Variants in NOX5 observed in about 807,000 individuals in gnomAD.
NOX5 encodes the protein NADPH oxidase 5.
Under a neutral mutation model 85.7 loss-of-function variants are expected in NOX5, and 76 were observed. The observed-to-expected ratio is 0.89, with a 90% CI of 0.74 to 1.07. The LOEUF is 1.07. NOX5 is among the 50% of genes least tolerant of loss of function. NOX5 has a pLI of 0.00. For missense variants in NOX5, 973 were observed against 999.5 expected, an observed-to-expected ratio of 0.97 and a Z score of 0.36; for synonymous variants, 405 against 401.4, an observed-to-expected ratio of 1.01 and a Z score of -0.11.
intron 8 of NOX5, among the ~76,000 whole-genome samples, 155 bp from the exon 9 acceptor site, chr15:69,038,702 G>T (rs2050553244): frequency 6.6e-6 from 1 of 152,108 alleles, no homozygotes; most frequent in African/African-American, 2.4e-5. Flanking sequence ...GGCTGCTGAG[G>T]TGGGCCACCA....
rs2050861588 is a variant in NOX5 at position 69,060,476 on chromosome 15, A to G, written c.*3780A>G. 6.6e-6 allele frequency: 1 copy of G among 152,222 alleles called. No individual in the cohort carries two copies. Among genetic ancestry groups the G allele is most frequent in the African/African-American group, 2.4e-5 (1 of 41,452 alleles). 9.4% of individuals were successfully genotyped at this position (152,222 alleles called of 1,614,324 possible). A position where few individuals can be genotyped will look rare whatever the true frequency, so the allele number is the denominator to read the frequency against. ...GTTCTCACTTTCTTATTATAAAGTG[A>G]ACAGATCAAGTATGTATGCGTTTAA... On this transcript the variant is annotated 3_prime_UTR_variant, in exon 16 of 16. Transcript: ENST00000388866.
chr15:69,024,635 A>G (rs1243694633), intron 1 of NOX5, among the ~76,000 whole-genome samples: 1 of 152,154 alleles, frequency 6.6e-6, no homozygotes, highest in Non-Finnish European at 1.5e-5. Flanking sequence ...TAATTGTTCT[A>G]TTTTATTACT....
chr15:69,049,674 G>A (rs1333891182), intron 14 of NOX5, among the ~76,000 whole-genome samples: 1 of 151,820 alleles, frequency 6.6e-6, no homozygotes, highest in African/African-American at 2.4e-5. Context: ...TTTTAATTCA[G>A]AATAGGCACA....
chr15:69,035,216 G>C, intron 5 of NOX5, 138 bp from the exon 6 acceptor site: 1 of 852,146 alleles, frequency 1.2e-6, no homozygotes, highest in Non-Finnish European at 1.8e-6. Flanking sequence ...AAGCAACAAG[G>C]CATGGGGGCA....
Position 69,031,655 on chromosome 15 carries a change from C to A in NOX5, c.463C>A (p.Arg155Ser), listed in dbSNP as rs757259289. The change falls in exon 4 of 16, where the codon CGC becomes AGC. Residue 155 changes from arginine (R) to serine (S), a missense_variant. By Grantham distance (110) the Arg-to-Ser change is moderately radical. Coordinates refer to ENST00000388866, the MANE Select transcript of NOX5 (RefSeq NM_024505.4). ...GCGCACTGTGCTGCAGTCGTGTCTG[C>A]GCGAGAGCGCCATCTCGCTGCCTGA... ...ELRTVLQSCLRESAISLPDEK... is the reference protein window; with the variant it reads ...ELRTVLQSCLSESAISLPDEK... The A allele has an allele frequency of 1.2e-6, 2 of 1,613,194 alleles. No individual in the cohort carries two copies. The highest frequency in any genetic ancestry group is 1.7e-6 in the Non-Finnish European group (2 of 1,179,944).
At chr15:69,052,859 T>G (rs2050766485) in intron 14 of NOX5, among the ~76,000 whole-genome samples, 1 of 152,234 alleles carries the variant, frequency 6.6e-6, no homozygotes, top group Non-Finnish European at 1.5e-5. Context: ...CGTATATTAA[T>G]TCATTAGAAA....
intron 9 of NOX5, among the ~76,000 whole-genome samples, chr15:69,039,385 G>C (rs12437624): frequency 2.0e-5 from 3 of 151,744 alleles, no homozygotes; most frequent in Non-Finnish European, 4.4e-5. Context: ...GGGGTGGCGG[G>C]GGGTAGGCAG....
intron 1 of NOX5, among the ~76,000 whole-genome samples, chr15:69,019,410 G>T (rs1351576104): frequency 1.3e-5 from 2 of 152,212 alleles, no homozygotes; most frequent in Non-Finnish European, 2.9e-5. Flanking sequence ...CTACAATTTT[G>T]TGAGATATTA....
At chr15:69,054,994 C>T (rs35484841) in intron 14 of NOX5, among the ~76,000 whole-genome samples, 348 of 152,212 alleles carry the variant, frequency 2.3e-3, no homozygotes, top group Non-Finnish European at 4.0e-3. Flanking sequence ...GAGGCTGAGG[C>T]GGGTGGATTG....
chr15:69,039,056 G>T (rs983153870), intron 9 of NOX5, 67 bp downstream of exon 9: 56 of 1,566,628 alleles, frequency 3.6e-5, no homozygotes, highest in Non-Finnish European at 4.8e-5. Flanking sequence ...CCAAGTACAG[G>T]CTGGAAACTC....
At position 69,035,440 on chromosome 15, in the gene NOX5, C is replaced by T. The variant is rs1474556817; in HGVS notation, c.942C>T (p.His314=). The change falls in exon 6 of 16, where the codon CAC becomes CAT. Residue 314 remains histidine, a synonymous_variant. Coordinates refer to ENST00000388866, the MANE Select transcript of NOX5 (RefSeq NM_024505.4). ...CACTGGACCAGAACATCCAGTTCCA[C>T]CAGCTTATGGGCTACGTGGTAGTGG... ...VLPLDQNIQF[H]QLMGYVVVGL... is the part of the protein sequence containing the mutation. 9.9e-6 allele frequency: 16 copies of T among 1,614,098 alleles called. No individual in the cohort carries two copies. The Admixed American group carries it at 2.5e-4, about 25-fold the overall frequency.
intron 14 of NOX5, among the ~76,000 whole-genome samples, chr15:69,050,504 C>T (rs1335292496): frequency 6.6e-6 from 1 of 152,144 alleles, no homozygotes; most frequent in Non-Finnish European, 1.5e-5. Flanking sequence ...AATTCTTCTG[C>T]CTCAGTCTCC....
rs1437525393 is a variant in NOX5, at chr15:69,037,268, G to A, written c.1371+58G>A. ...CAACTCACCCCAAGGGACAGTTTGT[G>A]GGGTGGAGCAGCTGGATACCCTGTC... On this transcript the variant is annotated intron_variant, in intron 8 of 15. Transcript: ENST00000388866. The A allele has an allele frequency of 5.2e-6, 8 of 1,528,810 alleles. No individual in the cohort carries two copies. In the African/African-American group the frequency reaches 1.1e-4, roughly 21 times the overall value. The allele number at this position is 1,528,810 out of a possible 1,614,324, so 94.7% of individuals were successfully genotyped here.
chr15:69,046,578 A>G (rs534846506), intron 10 of NOX5, among the ~76,000 whole-genome samples: 3 of 152,244 alleles, frequency 2.0e-5, no homozygotes, highest in Admixed American at 6.5e-5. Flanking sequence ...GGTGGGCAGG[A>G]TTTACACCAC....
chr15:69,035,783 C>G lies in NOX5; in HGVS notation c.1035C>G (p.Ser345Arg). 1 of 1,614,184 alleles carries G rather than the reference C, an allele frequency of 6.2e-7. No homozygotes were observed. Among genetic ancestry groups the G allele is most frequent in the South Asian group, 1.1e-5 (1 of 91,080 alleles). ...TACTCCAGGCTCAGGCGGAGGCCAG[C>G]CCTTTCCAGTTCTGGGAGCTGCTGC... ...NFVLQAQAEASPFQFWELLLT... is the reference protein window; with the variant it reads ...NFVLQAQAEARPFQFWELLLT... The change falls in exon 7 of 16, where the codon AGC becomes AGG. Residue 345 changes from serine (S) to arginine (R), a missense_variant. Transcript: ENST00000388866.
At chr15:69,015,611 C>T (rs764763495) in intron 1 of NOX5, among the ~76,000 whole-genome samples, 104 of 152,288 alleles carry the variant, frequency 6.8e-4, no homozygotes, top group Middle Eastern at 3.4e-3. Context: ...GTGCAGATTC[C>T]TGCCTCCTCC....
intron 1 of NOX5, chr15:69,023,500 C>A: frequency 2.8e-6 from 1 of 354,278 alleles, no homozygotes; most frequent in African/African-American, 2.2e-5. Context: ...CCAGGGTTGT[C>A]TTCTTGACCA....
intron 1 of NOX5, among the ~76,000 whole-genome samples, chr15:69,025,418 T>C (rs1217695983): frequency 6.6e-6 from 1 of 152,108 alleles, no homozygotes; most frequent in Non-Finnish European, 1.5e-5. Flanking sequence ...TAGTACTAGA[T>C]AGATCATGAA....
rs1213808630 is a variant in NOX5 at position 69,057,564 on chromosome 15, C to T, written c.*868C>T. The T allele has an allele frequency of 6.6e-6, 1 of 152,248 alleles. No individual in the cohort carries two copies. Among genetic ancestry groups the T allele is most frequent in the Non-Finnish European group, 1.5e-5 (1 of 68,092 alleles). The allele number at this position is 152,248 out of a possible 1,614,324, so 9.4% of individuals were successfully genotyped here. Reference sequence around the variant, plus strand: ...TCTGTGTGCTGAGTCGCTTGAGAAACAGGATGGAGACAGCCTCTTTGTGTG... The same window carrying T: ...TCTGTGTGCTGAGTCGCTTGAGAAATAGGATGGAGACAGCCTCTTTGTGTG... On this transcript the variant is annotated 3_prime_UTR_variant, in exon 16 of 16. Coordinates refer to ENST00000388866, the MANE Select transcript of NOX5 (RefSeq NM_024505.4).
Sources: allele counts gnomAD v4.1 joint callset (sites outside exome capture counted in the v4.1 genomes callset), GRCh38; gene constraint gnomAD v4.1.1; transcripts MANE v1.5; gene names NCBI Gene and HGNC (gene_info 2026-07-23, HGNC 2026-07-21).